The following ATRNL1 variants were observed in gnomAD, a reference collection of about 807,000 sequenced individuals.
ATRNL1 encodes the protein attractin like 1, also known as attractin-like protein 1.
Under a neutral mutation model 182.7 loss-of-function variants are expected in ATRNL1, and 95 were observed. That is an observed-to-expected ratio of 0.52 (90% CI 0.44 to 0.62). ATRNL1 has a LOEUF of 0.62. Ranked by LOEUF, ATRNL1 falls within the 20% of genes least tolerant of loss-of-function variation. The probability of loss-of-function intolerance (pLI) is 0.00; values close to 1 mark genes in which losing one functional copy is unlikely to be tolerated. For synonymous variants in ATRNL1, 576 were observed against 568.3 expected (o/e 1.01, Z -0.19); for missense variants, 1,471 against 1,679.5 (o/e 0.88, Z 2.17).
intron 27 of ATRNL1, among the ~76,000 whole-genome samples, chr10:115,752,211 A>G (rs1451949827): frequency 6.6e-6 from 1 of 152,084 alleles, no homozygotes; most frequent in Non-Finnish European, 1.5e-5. Context: ...TGACCTCATC[A>G]TCAAGTAGGG....
At chr10:115,491,519 A>G (rs548519454) in intron 24 of ATRNL1, among the ~76,000 whole-genome samples, 1 of 151,732 alleles carries the variant, frequency 6.6e-6, no homozygotes, top group Non-Finnish European at 1.5e-5. Context: ...GCTCTGTTTG[A>G]ACTTCCCAGT....
At chr10:115,860,699 T>G (rs12221478) in intron 28 of ATRNL1, among the ~76,000 whole-genome samples, 1 of 152,180 alleles carries the variant, frequency 6.6e-6, no homozygotes, top group Non-Finnish European at 1.5e-5. Context: ...ACAGACAGAC[T>G]GTTTCTAAAG....
intron 13 of ATRNL1, among the ~76,000 whole-genome samples, chr10:115,280,597 A>C (rs1403706582): frequency 6.6e-6 from 1 of 152,138 alleles, no homozygotes; most frequent in Non-Finnish European, 1.5e-5. Flanking sequence ...TGTGGATCCA[A>C]GGCTCAGGCT....
chr10:115,264,643 T>G (rs1554909927), intron 10 of ATRNL1, among the ~76,000 whole-genome samples: 3 of 151,624 alleles, frequency 2.0e-5, no homozygotes, highest in Non-Finnish European at 4.4e-5. Flanking sequence ...TGATTTTCAT[T>G]TTTTATCTAG....
chr10:115,459,300 C>T (rs544994005), intron 21 of ATRNL1, among the ~76,000 whole-genome samples: 1 of 152,284 alleles, frequency 6.6e-6, no homozygotes, highest in Non-Finnish European at 1.5e-5. Flanking sequence ...TAACCTTAAA[C>T]TCTGACCGCT....
rs539142927 is a variant in ATRNL1 at position 115,194,978 on chromosome 10, A to T, written c.1349-20719A>T. On this transcript the variant is annotated intron_variant, in intron 8 of 28. Coordinates refer to ENST00000355044, the MANE Select transcript of ATRNL1 (RefSeq NM_207303.4). Reference sequence around the variant, plus strand: ...GAAAAAAAACAAAACAAATAAGCAAATAAAAAACTAAAAAAGCTCTATACA... The same window carrying T: ...GAAAAAAAACAAAACAAATAAGCAATTAAAAAACTAAAAAAGCTCTATACA... 4.8e-4 allele frequency among the ~76,000 whole-genome samples: 73 copies of T among 152,106 alleles called. No homozygotes were observed. The Middle Eastern group carries it at 0.024, about 50-fold the overall frequency.
At chr10:115,484,815 G>A (rs1014655477) in intron 24 of ATRNL1, among the ~76,000 whole-genome samples, 2 of 151,802 alleles carry the variant, frequency 1.3e-5, no homozygotes, top group African/African-American at 4.8e-5. Flanking sequence ...TTGTTTTAGT[G>A]CTTTAAATTT....
intron 17 of ATRNL1, among the ~76,000 whole-genome samples, chr10:115,305,795 G>A (rs782748571): frequency 2.0e-5 from 3 of 152,148 alleles, no homozygotes; most frequent in Non-Finnish European, 2.9e-5. Flanking sequence ...AGGCAAAAGT[G>A]TATTCTCAAA....
At chr10:115,913,616 C>T (rs1555116463) in intron 28 of ATRNL1, among the ~76,000 whole-genome samples, 1 of 152,226 alleles carries the variant, frequency 6.6e-6, no homozygotes, top group Admixed American at 6.5e-5. Context: ...CTACTACTGC[C>T]TCTAACTCAT....
At chr10:115,203,404 C>G (rs1554892972) in intron 8 of ATRNL1, among the ~76,000 whole-genome samples, 1 of 152,016 alleles carries the variant, frequency 6.6e-6, no homozygotes, top group Non-Finnish European at 1.5e-5. Context: ...ATAATAGCCC[C>G]CTCATGTCTT....
intron 27 of ATRNL1, among the ~76,000 whole-genome samples, chr10:115,789,140 C>A (rs1949466524): frequency 6.6e-6 from 1 of 152,152 alleles, no homozygotes; most frequent in South Asian, 2.1e-4. Context: ...AGAAAGCTTC[C>A]TGTGGTTAGC....
intron 28 of ATRNL1, among the ~76,000 whole-genome samples, chr10:115,894,790 T>A (rs908896975): frequency 1.3e-5 from 2 of 152,182 alleles, no homozygotes; most frequent in East Asian, 3.9e-4. Context: ...GCAACCATAA[T>A]GGCTTTTGCT....
At chr10:115,631,335 A>G (rs1441735508) in intron 26 of ATRNL1, among the ~76,000 whole-genome samples, 3 of 152,128 alleles carry the variant, frequency 2.0e-5, no homozygotes, top group Non-Finnish European at 4.4e-5. Context: ...TTAAACATAC[A>G]TAAATTTTAT....
rs115418687 is a variant in ATRNL1, at chr10:115,708,627, T to C, written c.3796-18621T>C. Among the ~76,000 whole-genome samples, 628 of 151,926 alleles carry C rather than the reference T, an allele frequency of 4.1e-3. 4 individuals carry two copies. Among genetic ancestry groups the C allele is most frequent in the African/African-American group, 0.014 (601 of 41,538 alleles). On this transcript the variant is annotated intron_variant, in intron 26 of 28. Coordinates refer to ENST00000355044, the MANE Select transcript of ATRNL1 (RefSeq NM_207303.4). The stretch of plus-strand genomic sequence containing the variant: ...TTGCACTAGAGAAAGCCTTGCCATA[T>C]CTGATACATCATTGTCTGAAGGTAT...
At chr10:115,758,821 T>TA (rs1948659359) in intron 27 of ATRNL1, among the ~76,000 whole-genome samples, 1 of 152,216 alleles carries the variant, frequency 6.6e-6, no homozygotes, top group South Asian at 2.1e-4. Flanking sequence ...ACTATGAGGG[T>TA]AAAACCCGCC....
At chr10:115,341,357 G>A (rs1487213641) in intron 19 of ATRNL1, among the ~76,000 whole-genome samples, 7 of 151,722 alleles carry the variant, frequency 4.6e-5, no homozygotes, top group African/African-American at 1.7e-4. Flanking sequence ...TTATTCCATT[G>A]TGGTCAGAGA....
intron 27 of ATRNL1, among the ~76,000 whole-genome samples, chr10:115,801,476 G>A (rs1317043585): frequency 3.9e-5 from 6 of 152,120 alleles, no homozygotes; most frequent in African/African-American, 1.4e-4. Flanking sequence ...TAACCATTCT[G>A]CCCTTTATTT....
Position 115,386,946 on chromosome 10 carries a change from T to G in ATRNL1, c.3176-7713T>G, listed in dbSNP as rs570294778. Among the ~76,000 whole-genome samples the G allele has an allele frequency of 3.3e-5, 5 of 151,716 alleles. 1 individual carries two copies. The highest frequency in any genetic ancestry group is 1.2e-4 in the African/African-American group (5 of 41,414). On this transcript the variant is annotated intron_variant, in intron 19 of 28. Transcript: ENST00000355044. ...TTTTTGTCCTTGCTATAAATCATGC[T>G]GCTATAAAGACACATGCACACGTAT...
intron 27 of ATRNL1, among the ~76,000 whole-genome samples, chr10:115,729,495 TTGTGTG>T (rs139166434): frequency 0.17 from 23,933 of 141,952 alleles, 2,189 homozygotes; most frequent in Middle Eastern, 0.21. Flanking sequence ...CTACCCCATT[TTGTGTG>T]TGTGTGTGTG....
Sources: gnomAD v4.1 joint callset for allele counts (sites outside exome capture counted in the v4.1 genomes callset) on GRCh38, gnomAD v4.1.1 for gene constraint, MANE v1.5 for transcripts, NCBI Gene and HGNC (gene_info 2026-07-23, HGNC 2026-07-21) for gene names.